Variants in LSAMP observed in about 807,000 individuals in gnomAD.
The protein encoded by LSAMP is limbic system-associated membrane protein.
LSAMP carries 7 observed loss-of-function variants against 38.6 expected under a neutral mutation model. That is an observed-to-expected ratio of 0.18 (90% CI 0.10 to 0.34). The LOEUF (loss-of-function observed/expected upper bound fraction) is 0.34, where lower values mean the gene tolerates loss of function less well. Among genes scored for constraint, LSAMP ranks in the 10% least tolerant of loss-of-function variants. LSAMP has a pLI of 1.00. For synonymous variants in LSAMP, 154 were observed against 166.8 expected, an observed-to-expected ratio of 0.92 and a Z score of 0.59; for missense variants, 313 against 420.0, an observed-to-expected ratio of 0.75 and a Z score of 2.23.
chr3:115,920,638 T>C (rs1937360616), intron 3 of LSAMP, among the ~76,000 whole-genome samples: 1 of 152,164 alleles, frequency 6.6e-6, no homozygotes, highest in Non-Finnish European at 1.5e-5. Context: ...CAATGGTTCA[T>C]GTGCACTTGA....
chr3:116,208,398 G>C (rs1051531141), intron 1 of LSAMP, among the ~76,000 whole-genome samples: 2 of 152,108 alleles, frequency 1.3e-5, no homozygotes, highest in Non-Finnish European at 2.9e-5. Context: ...TCTTCTCTCA[G>C]CTCATCAAAG....
At chr3:115,917,989 T>G (rs1406302364) in intron 3 of LSAMP, among the ~76,000 whole-genome samples, 1 of 152,250 alleles carries the variant, frequency 6.6e-6, no homozygotes, top group East Asian at 1.9e-4. Flanking sequence ...CAAGTACCCT[T>G]CAGTTAAAGT....
chr3:116,163,065 CT>C (rs1383881468), intron 1 of LSAMP, among the ~76,000 whole-genome samples: 2,122 of 150,926 alleles, frequency 0.014, 43 homozygotes, highest in African/African-American at 0.049. Context: ...TGAAGAAGAT[CT>C]TTTTTTTTAA....
At chr3:115,850,101 T>A (rs1012229493) in intron 4 of LSAMP, among the ~76,000 whole-genome samples, 1 of 152,234 alleles carries the variant, frequency 6.6e-6, no homozygotes, top group African/African-American at 2.4e-5. Flanking sequence ...TTTCTGTCCA[T>A]ATTCTGTGGT....
chr3:116,098,191 C>T (rs1009213411), intron 1 of LSAMP, among the ~76,000 whole-genome samples: 23 of 152,006 alleles, frequency 1.5e-4, no homozygotes, highest in Admixed American at 9.2e-4. Flanking sequence ...CAGTAGATCA[C>T]GATGGATGCG....
rs1933561025 is a variant in LSAMP, at chr3:115,803,382, GA to G, written c.*6934del. 1 of 152,174 alleles carries G rather than the reference GA, an allele frequency of 6.6e-6. No individual in the cohort carries two copies. Among genetic ancestry groups the G allele is most frequent in the Admixed American group, 6.5e-5 (1 of 15,280 alleles). 9.4% of individuals were successfully genotyped at this position (152,174 alleles called of 1,614,324 possible). On this transcript the variant is annotated 3_prime_UTR_variant, in exon 7 of 7. Transcript: ENST00000490035. The stretch of plus-strand genomic sequence containing the variant: ...GTTCTTTCAGACAATAAAATCAAAG[GA>G]CAACTTTGGATAGATGCTAACCTGA...
chr3:116,317,661 A>G (rs1400639127), intron 1 of LSAMP, among the ~76,000 whole-genome samples: 1 of 151,684 alleles, frequency 6.6e-6, no homozygotes, highest in Non-Finnish European at 1.5e-5. Flanking sequence ...GGCCCCAAAG[A>G]CAGCCCAATC....
intron 1 of LSAMP, among the ~76,000 whole-genome samples, chr3:116,207,346 G>C (rs1344852246): frequency 1.3e-5 from 2 of 152,068 alleles, no homozygotes; most frequent in East Asian, 3.9e-4. Context: ...GATGGGTCTT[G>C]ACTCTTTATC....
chr3:116,087,027 C>T (rs1479903168), intron 1 of LSAMP, among the ~76,000 whole-genome samples: 1 of 152,162 alleles, frequency 6.6e-6, no homozygotes, highest in Non-Finnish European at 1.5e-5. Flanking sequence ...TTAGACTAGA[C>T]TTCTGAGTTT....
chr3:115,907,550 T>G (rs920630335), intron 3 of LSAMP, among the ~76,000 whole-genome samples: 1 of 152,066 alleles, frequency 6.6e-6, no homozygotes, highest in Non-Finnish European at 1.5e-5. Context: ...TCTAAGGTAT[T>G]TTGTTATAGT....
At chr3:116,322,273 T>C (rs1268959141) in intron 1 of LSAMP, among the ~76,000 whole-genome samples, 3 of 152,206 alleles carry the variant, frequency 2.0e-5, no homozygotes, top group Non-Finnish European at 1.5e-5. Context: ...TTTGGTATAG[T>C]AATTTTATGA....
At chr3:115,886,462 A>C (rs973541106) in intron 3 of LSAMP, among the ~76,000 whole-genome samples, 1 of 151,956 alleles carries the variant, frequency 6.6e-6, no homozygotes, top group African/African-American at 2.4e-5. Flanking sequence ...AGAACAACAA[A>C]AGGTGGTTAT....
At chr3:116,043,868 C>T (rs147187830) in intron 2 of LSAMP, among the ~76,000 whole-genome samples, 1 of 152,230 alleles carries the variant, frequency 6.6e-6, no homozygotes, top group African/African-American at 2.4e-5. Flanking sequence ...ATGGCGTGAA[C>T]CGGTCAGGCG....
At chr3:116,089,519 G>A (rs1057471271) in intron 1 of LSAMP, among the ~76,000 whole-genome samples, 1 of 151,926 alleles carries the variant, frequency 6.6e-6, no homozygotes, top group Non-Finnish European at 1.5e-5. Context: ...CACCACGCCC[G>A]CCTAATTTTT....
At chr3:116,347,293 C>T (rs2048076701) in intron 1 of LSAMP, among the ~76,000 whole-genome samples, 1 of 152,146 alleles carries the variant, frequency 6.6e-6, no homozygotes, top group Non-Finnish European at 1.5e-5. Context: ...TCTTCCCTAT[C>T]CTAACCCTTA....
At chr3:115,906,301 T>C (rs962301609) in intron 3 of LSAMP, among the ~76,000 whole-genome samples, 2 of 152,170 alleles carry the variant, frequency 1.3e-5, no homozygotes, top group African/African-American at 2.4e-5. Context: ...TTATTAAGCA[T>C]GGTGCTGAGA....
intron 1 of LSAMP, among the ~76,000 whole-genome samples, chr3:116,163,279 T>C (rs1290643412): frequency 7.1e-6 from 1 of 141,832 alleles, no homozygotes; most frequent in Non-Finnish European, 1.5e-5. Flanking sequence ...CCTGTGTCTA[T>C]GTGTTCTCAT....
chr3:116,369,328 T>A (rs578213811), intron 1 of LSAMP, among the ~76,000 whole-genome samples: 63 of 152,294 alleles, frequency 4.1e-4, no homozygotes, highest in African/African-American at 1.4e-3. Flanking sequence ...AGAAAAAATG[T>A]TATTTACAAC....
chr3:116,049,338 C>T (rs998038855), intron 2 of LSAMP, among the ~76,000 whole-genome samples: 1 of 152,214 alleles, frequency 6.6e-6, no homozygotes, highest in Non-Finnish European at 1.5e-5. Context: ...AGCCATTCAT[C>T]TTCAGTAGTC....
Sources: gnomAD v4.1 joint callset for allele counts (sites outside exome capture counted in the v4.1 genomes callset) on GRCh38, gnomAD v4.1.1 for gene constraint, MANE v1.5 for transcripts, NCBI Gene and HGNC (gene_info 2026-07-23, HGNC 2026-07-21) for gene names.